The following STX2 variants were observed in gnomAD, a reference collection of about 807,000 sequenced individuals.
STX2 encodes the protein syntaxin-2.
Under a neutral mutation model 40.6 loss-of-function variants are expected in STX2, and 27 were observed. The observed-to-expected ratio is 0.66, with a 90% CI of 0.49 to 0.92. The LOEUF is 0.92. STX2 is among the 40% of genes least tolerant of loss of function. The pLI is 0.00. For synonymous variants in STX2, 123 were observed against 119.1 expected (o/e 1.03, Z -0.22); for missense variants, 328 against 366.1 (o/e 0.90, Z 0.85).
At chr12:130,792,195 G>C (rs935624096) in intron 10 of STX2, among the ~76,000 whole-genome samples, 2 of 152,066 alleles carry the variant, frequency 1.3e-5, no homozygotes, top group African/African-American at 4.8e-5. Flanking sequence ...CGAGTAGCTG[G>C]GACTACAGGA....
Position 130,822,531 on chromosome 12 carries a change from ATT to A in STX2, c.106-745_106-744del, listed in dbSNP as rs200396032. Among the ~76,000 whole-genome samples the A allele has an allele frequency of 8.2e-3, 1,253 of 152,288 alleles. 56 individuals are homozygous for A. Among genetic ancestry groups the A allele is most frequent in the Admixed American group, 0.071 (1,086 of 15,300 alleles). ...TGACCTCTAAATGTTTAAATTCAAT[ATT>A]TGTTTCAAAATGTAACATATCATTA... On this transcript the variant is annotated intron_variant, in intron 2 of 10. Coordinates refer to ENST00000392373, the MANE Select transcript of STX2 (RefSeq NM_194356.4).
At chr12:130,796,467 C>CAG (rs1459910856) in intron 9 of STX2, among the ~76,000 whole-genome samples, 1 of 152,160 alleles carries the variant, frequency 6.6e-6, no homozygotes, top group Non-Finnish European at 1.5e-5. Flanking sequence ...GCCTGGGCAA[C>CAG]AGAGCAAGAC....
chr12:130,812,950 A>G lies in STX2; in HGVS notation c.280+7T>C. On this transcript the variant is annotated splice_region_variant and intron_variant, in intron 4 of 10. Coordinates refer to ENST00000392373, the MANE Select transcript of STX2 (RefSeq NM_194356.4). Reference sequence around the variant, plus strand: ...ATCAATAATTAAACATAAAACTTCAAACTTACCCTTTAACTTGGCTCGAAT... The same window carrying G: ...ATCAATAATTAAACATAAAACTTCAGACTTACCCTTTAACTTGGCTCGAAT... The G allele has an allele frequency of 6.5e-7, 1 of 1,546,848 alleles. No individual in the cohort carries two copies. The highest frequency in any genetic ancestry group is 1.3e-5 in the South Asian group (1 of 79,292).
At chr12:130,836,462 C>G (rs1952760013) in intron 1 of STX2, among the ~76,000 whole-genome samples, 1 of 151,982 alleles carries the variant, frequency 6.6e-6, no homozygotes. Context: ...TTTGTAAAGA[C>G]AGGGTTTTGC....
chr12:130,817,187 T>G (rs961689511), intron 3 of STX2, among the ~76,000 whole-genome samples: 1 of 150,716 alleles, frequency 6.6e-6, no homozygotes, highest in African/African-American at 2.4e-5. Flanking sequence ...CTAATAAAGT[T>G]ACAAGACACA....
At chr12:130,825,045 T>A (rs1340893770) in intron 2 of STX2, among the ~76,000 whole-genome samples, 1 of 150,218 alleles carries the variant, frequency 6.7e-6, no homozygotes, top group Non-Finnish European at 1.5e-5. Context: ...TCTGTTCTTT[T>A]TTTTTTTTTT....
In STX2 at chr12:130,834,703, A is replaced by T. The variant is rs543999233; in HGVS notation, c.30+4367T>A. ...ACCTATTATAATTAAGAATAGAGAAACTATAGACTCCAACTGTAGGAACTG... is the reference window on the plus strand; with the variant it reads ...ACCTATTATAATTAAGAATAGAGAATCTATAGACTCCAACTGTAGGAACTG... On this transcript the variant is annotated intron_variant, in intron 1 of 10. Transcript: ENST00000392373. Among the ~76,000 whole-genome samples the T allele has an allele frequency of 2.4e-3, 366 of 152,380 alleles. 1 individual carries two copies. Among genetic ancestry groups the T allele is most frequent in the Non-Finnish European group, 3.8e-3 (259 of 68,042 alleles).
At chr12:130,830,009 TTTTG>T (rs984353717) in intron 1 of STX2, among the ~76,000 whole-genome samples, 5 of 152,202 alleles carry the variant, frequency 3.3e-5, no homozygotes, top group Non-Finnish European at 5.9e-5. Context: ...GTCACCTCAT[TTTTG>T]TTTGTTTGGG....
chr12:130,809,370 G>A (rs1951560481), intron 4 of STX2, among the ~76,000 whole-genome samples: 2 of 152,172 alleles, frequency 1.3e-5, no homozygotes, highest in Non-Finnish European at 2.9e-5. Flanking sequence ...GATGAAGAAA[G>A]AAGCTAGACT....
At chr12:130,834,041 G>A (rs989083774) in intron 1 of STX2, among the ~76,000 whole-genome samples, 5 of 152,148 alleles carry the variant, frequency 3.3e-5, no homozygotes, top group East Asian at 3.9e-4. Context: ...GGGAACATGC[G>A]AGGAAAGGGA....
intron 1 of STX2, among the ~76,000 whole-genome samples, chr12:130,837,857 T>TA (rs1952798417): frequency 2.0e-5 from 3 of 152,126 alleles, no homozygotes; most frequent in African/African-American, 7.2e-5. Context: ...TGTCCATTAA[T>TA]AAAAAAGGAA....
At chr12:130,813,885 G>C (rs968942180) in intron 3 of STX2, among the ~76,000 whole-genome samples, 1 of 152,208 alleles carries the variant, frequency 6.6e-6, no homozygotes, top group Non-Finnish European at 1.5e-5. Flanking sequence ...GTTTTAGAGA[G>C]TCCTGCACTT....
At chr12:130,797,086 A>C (rs1410994102) in intron 9 of STX2, among the ~76,000 whole-genome samples, 1 of 152,216 alleles carries the variant, frequency 6.6e-6, no homozygotes, top group Non-Finnish European at 1.5e-5. Flanking sequence ...AACAGGCATC[A>C]CGTCTCTGAC....
intron 1 of STX2, among the ~76,000 whole-genome samples, chr12:130,837,348 C>T (rs1952784274): frequency 6.6e-6 from 1 of 152,126 alleles, no homozygotes; most frequent in Admixed American, 6.6e-5. Flanking sequence ...GACTGGAGTA[C>T]AGTGGCACAA....
intron 4 of STX2, chr12:130,812,113 A>G (rs1951681385): frequency 4.1e-6 from 1 of 243,646 alleles, no homozygotes; most frequent in Non-Finnish European, 8.1e-6. Context: ...ATGAAGGGAG[A>G]ATCTCATTTT....
intron 2 of STX2, among the ~76,000 whole-genome samples, chr12:130,826,264 C>A (rs1283523862): frequency 6.6e-6 from 1 of 152,244 alleles, no homozygotes; most frequent in Non-Finnish European, 1.5e-5. Context: ...CCTGCCCCCA[C>A]AGCCAGGCGC....
intron 1 of STX2, among the ~76,000 whole-genome samples, chr12:130,828,226 CTT>C: frequency 6.6e-6 from 1 of 150,928 alleles, no homozygotes; most frequent in South Asian, 2.1e-4. Flanking sequence ...AGTCCCTACT[CTT>C]TTTTTTTGGA....
At chr12:130,792,069 T>A in intron 10 of STX2, 92 bp from the exon 11 acceptor site, 1 of 812,310 alleles carries the variant, frequency 1.2e-6, no homozygotes, top group Non-Finnish European at 2.0e-6. Context: ...TGGGATAGTT[T>A]AAAAAATACA....
chr12:130,823,775 G>A (rs1230950652), intron 2 of STX2, among the ~76,000 whole-genome samples: 3 of 152,124 alleles, frequency 2.0e-5, no homozygotes, highest in Non-Finnish European at 4.4e-5. Flanking sequence ...ACTGACACAC[G>A]GATCAACATA....
Sources: gnomAD v4.1 joint callset for allele counts (sites outside exome capture counted in the v4.1 genomes callset) on GRCh38, gnomAD v4.1.1 for gene constraint, MANE v1.5 for transcripts, NCBI Gene and HGNC (gene_info 2026-07-23, HGNC 2026-07-21) for gene names.